The following CADM2 variants were observed in gnomAD, a reference collection of about 807,000 sequenced individuals.
The protein encoded by CADM2 is immunoglobulin superfamily member 4D.
Under a neutral mutation model 49.8 loss-of-function variants are expected in CADM2, and 12 were observed. That is an observed-to-expected ratio of 0.24 (90% CI 0.15 to 0.39). The LOEUF is 0.39. Among genes scored for constraint, CADM2 ranks in the 10% least tolerant of loss-of-function variants. The pLI is 1.00. For missense variants in CADM2, 378 were observed against 492.3 expected (o/e 0.77, Z 2.20); for synonymous variants, 214 against 175.4 (o/e 1.22, Z -1.74).
At position 86,017,880 on chromosome 3, in the gene CADM2, T is replaced by C. The variant is rs192238886; in HGVS notation, c.971-47725T>C. ...TTTTATTTATTTTATTTTATTTTTA[T>C]TATTTTTTTATTATACTTTAAGTTT... On this transcript the variant is annotated intron_variant, in intron 8 of 9. Coordinates refer to ENST00000383699, the MANE Select transcript of CADM2 (RefSeq NM_001167675.2). 2.1e-3 allele frequency among the ~76,000 whole-genome samples: 321 copies of C among 149,426 alleles called. 2 individuals are homozygous for C. Among genetic ancestry groups the C allele is most frequent in the African/African-American group, 7.7e-3 (313 of 40,596 alleles).
chr3:85,421,021 C>T (rs951106583), intron 1 of CADM2, among the ~76,000 whole-genome samples: 5 of 152,046 alleles, frequency 3.3e-5, no homozygotes, highest in African/African-American at 1.2e-4. Flanking sequence ...AAAATACAGT[C>T]TTCACCCAAA....
chr3:85,046,401 C>A (rs1300571866), intron 1 of CADM2, among the ~76,000 whole-genome samples: 1 of 151,198 alleles, frequency 6.6e-6, no homozygotes, highest in Non-Finnish European at 1.5e-5. Flanking sequence ...TTTCCACAAC[C>A]AACAGCAAAA....
intron 1 of CADM2, among the ~76,000 whole-genome samples, chr3:85,671,167 A>G (rs1426747587): frequency 1.3e-5 from 2 of 152,226 alleles, no homozygotes; most frequent in Admixed American, 1.3e-4. Flanking sequence ...CAGTGTTTCT[A>G]TTAAATTGCA....
intron 1 of CADM2, among the ~76,000 whole-genome samples, chr3:85,573,609 A>G (rs1230221143): frequency 1.3e-5 from 2 of 152,224 alleles, no homozygotes; most frequent in African/African-American, 4.8e-5. Flanking sequence ...AATCCTGGTT[A>G]TGATCTTGCA....
chr3:85,808,908 G>A (rs2072632678), intron 3 of CADM2, among the ~76,000 whole-genome samples: 1 of 152,112 alleles, frequency 6.6e-6, no homozygotes, highest in East Asian at 1.9e-4. Flanking sequence ...AGAAAAATGA[G>A]ATGAACCAGA....
intron 1 of CADM2, among the ~76,000 whole-genome samples, chr3:84,993,646 A>G (rs943314130): frequency 6.6e-6 from 1 of 152,200 alleles, no homozygotes; most frequent in African/African-American, 2.4e-5. Context: ...TTAAAATTTG[A>G]AAGCCATTAG....
In CADM2 at chr3:86,072,257, TTTGG is replaced by T. The variant is rs1034940586; in HGVS notation, c.*5478_*5481del. The T allele has an allele frequency of 4.6e-5, 7 of 151,886 alleles. No homozygotes were observed. The East Asian group carries it at 1.4e-3, about 29-fold the overall frequency. 9.4% of individuals were successfully genotyped at this position (151,886 alleles called of 1,614,324 possible). On this transcript the variant is annotated 3_prime_UTR_variant, in exon 10 of 10. Coordinates refer to ENST00000383699, the MANE Select transcript of CADM2 (RefSeq NM_001167675.2). ...TTATGTGGTTATGTTATCAATAATA[TTTGG>T]TTGATCTTCACATATTTTATATGCA... is the stretch of plus-strand genomic sequence containing the variant.
At chr3:85,999,273 G>GGA (rs1193146395) in intron 8 of CADM2, among the ~76,000 whole-genome samples, 1 of 151,460 alleles carries the variant, frequency 6.6e-6, no homozygotes, top group East Asian at 1.9e-4. Context: ...CCGAGGGTTG[G>GGA]GGGGTGGATC....
intron 6 of CADM2, among the ~76,000 whole-genome samples, chr3:85,916,981 T>G (rs1718428154): frequency 1.3e-5 from 2 of 152,182 alleles, no homozygotes; most frequent in Non-Finnish European, 2.9e-5. Context: ...TTTTGAGAAG[T>G]GTCTGTTCAT....
intron 1 of CADM2, among the ~76,000 whole-genome samples, chr3:84,966,895 G>A (rs542543436): frequency 6.6e-6 from 1 of 151,998 alleles, no homozygotes; most frequent in African/African-American, 2.4e-5. Context: ...GATGTCATTA[G>A]GCATTGCTTA....
At chr3:85,835,973 A>G (rs1399922837) in intron 3 of CADM2, among the ~76,000 whole-genome samples, 1 of 151,352 alleles carries the variant, frequency 6.6e-6, no homozygotes, top group African/African-American at 2.4e-5. Flanking sequence ...AAAAGCCCTC[A>G]ATGAAGAAAA....
At chr3:85,035,412 A>G (rs4856559) in intron 1 of CADM2, among the ~76,000 whole-genome samples, 113,520 of 152,076 alleles carry the variant, frequency 0.75, 43,772 homozygotes, top group African/African-American at 0.93. Context: ...CTATGCAGAA[A>G]TTTTTTGACT....
intron 2 of CADM2, among the ~76,000 whole-genome samples, chr3:85,730,110 C>T (rs1009264771): frequency 2.0e-5 from 3 of 152,094 alleles, no homozygotes; most frequent in Admixed American, 6.6e-5. Context: ...CTAATTTTAT[C>T]CCTATAGTGT....
intron 1 of CADM2, among the ~76,000 whole-genome samples, chr3:85,122,741 T>G (rs2038907649): frequency 6.6e-6 from 1 of 152,074 alleles, no homozygotes; most frequent in Non-Finnish European, 1.5e-5. Flanking sequence ...CCTCAATCCT[T>G]GCCGGATTCC....
rs1729377023 is a variant in CADM2 at position 85,996,094 on chromosome 3, A to AAAAAAAT, written c.970+34460_970+34466dup. Among the ~76,000 whole-genome samples the AAAAAAAT allele has an allele frequency of 2.0e-5, 3 of 150,716 alleles. No homozygotes were observed. In the South Asian group the frequency reaches 6.2e-4, roughly 31 times the overall value. On this transcript the variant is annotated intron_variant, in intron 8 of 9. Coordinates refer to ENST00000383699, the MANE Select transcript of CADM2 (RefSeq NM_001167675.2). ...GACAGAGCAAGACTCTGCCTAAAAA[A>AAAAAAAT]AAAAAATAAAAAATAAAAATAAAAA...
At chr3:85,470,188 A>C (rs1473285361) in intron 1 of CADM2, among the ~76,000 whole-genome samples, 1 of 152,232 alleles carries the variant, frequency 6.6e-6, no homozygotes, top group Non-Finnish European at 1.5e-5. Flanking sequence ...TGGAGAACTC[A>C]CAAAACTTGT....
chr3:85,450,797 T>C (rs1435712400), intron 1 of CADM2, among the ~76,000 whole-genome samples: 1 of 152,010 alleles, frequency 6.6e-6, no homozygotes, highest in Admixed American at 6.6e-5. Flanking sequence ...TAAATTAGTT[T>C]ATTGAAATTT....
chr3:85,612,172 TTTC>T (rs1334913661), intron 1 of CADM2, among the ~76,000 whole-genome samples: 1 of 151,884 alleles, frequency 6.6e-6, no homozygotes, highest in Non-Finnish European at 1.5e-5. Context: ...TTTAAAATTA[TTTC>T]TTATCTTTTA....
intron 5 of CADM2, among the ~76,000 whole-genome samples, 168 bp from the exon 6 acceptor site, chr3:85,912,205 T>C (rs1717699703): frequency 6.6e-6 from 1 of 152,148 alleles, no homozygotes; most frequent in Non-Finnish European, 1.5e-5. Context: ...TTTTAAGTAA[T>C]TGTAATTTTA....
Sources: allele counts gnomAD v4.1 joint callset (sites outside exome capture counted in the v4.1 genomes callset), GRCh38; gene constraint gnomAD v4.1.1; transcripts MANE v1.5; gene names NCBI Gene and HGNC (gene_info 2026-07-23, HGNC 2026-07-21).